The following IQCK variants were observed in gnomAD, a reference collection of about 807,000 sequenced individuals.
IQCK encodes IQ domain-containing protein K.
In IQCK, 29 loss-of-function variants were observed where a neutral mutation model predicts 28.1. The ratio of observed to expected loss-of-function variants is 1.03; its 90% CI spans 0.77 to 1.41. IQCK has a LOEUF of 1.41. Among genes scored for constraint, IQCK ranks in the 40% most tolerant of loss-of-function variants. The probability of loss-of-function intolerance (pLI) is 0.00; values close to 1 mark genes in which losing one functional copy is unlikely to be tolerated. For synonymous variants in IQCK, 113 were observed against 115.1 expected, an observed-to-expected ratio of 0.98 and a Z score of 0.12; for missense variants, 359 against 314.7, an observed-to-expected ratio of 1.14 and a Z score of -1.07.
chr16:19,824,975 G>T (rs1189779531), intron 7 of IQCK, among the ~76,000 whole-genome samples: 1 of 152,148 alleles, frequency 6.6e-6, no homozygotes, highest in Admixed American at 6.5e-5. Context: ...CCTCTCCAAG[G>T]CTGGGTTCGA....
At chr16:19,728,386 A>C (rs1977725664) in intron 1 of IQCK, among the ~76,000 whole-genome samples, 1 of 151,998 alleles carries the variant, frequency 6.6e-6, no homozygotes, top group South Asian at 2.1e-4. Context: ...GTTGCTGGGG[A>C]TTATAAGTGC....
chr16:19,736,123 C>T (rs1278828211), intron 4 of IQCK: 1 of 455,884 alleles, frequency 2.2e-6, no homozygotes. Flanking sequence ...TTGATTGTTC[C>T]CCCTGGCATC....
intron 1 of IQCK, among the ~76,000 whole-genome samples, chr16:19,727,384 C>A (rs926522262): frequency 1.3e-5 from 2 of 151,930 alleles, no homozygotes; most frequent in African/African-American, 2.4e-5. Context: ...CTTAGGAGTT[C>A]GAGACCAGCC....
At chr16:19,799,597 TACACACACACACACACAC>T (rs529119301) in intron 7 of IQCK, among the ~76,000 whole-genome samples, 3 of 111,678 alleles carry the variant, frequency 2.7e-5, no homozygotes, top group Non-Finnish European at 1.7e-5. Context: ...TATATATATA[TACACACACACACACACAC>T]ACACACACAC....
In IQCK at chr16:19,718,445, AC is replaced by A. The variant is rs1977330332; in HGVS notation, c.141del (p.Glu48SerfsTer33). On this transcript the variant is annotated frameshift_variant, in exon 1 of 8. Transcript: ENST00000564186. LOFTEE classifies it high-confidence loss of function. ...GCTGCCTGTCTCGTCGTGGCAGGTCACCGAGCCGTCAAGCAAGAATCTGTGG... is the reference window on the plus strand; with the variant it reads ...GCTGCCTGTCTCGTCGTGGCAGGTCACGAGCCGTCAAGCAAGAATCTGTGG... 3.1e-6 allele frequency: 5 copies of A among 1,605,900 alleles called. No homozygotes were observed. The South Asian group carries it at 5.6e-5, about 18-fold the overall frequency.
intron 9 of IQCK, among the ~76,000 whole-genome samples, chr16:19,846,017 C>T (rs1056279823): frequency 5.3e-5 from 8 of 152,164 alleles, no homozygotes; most frequent in African/African-American, 1.9e-4. Flanking sequence ...GCAGAGGCTG[C>T]AGTGAGCTGA....
intron 7 of IQCK, among the ~76,000 whole-genome samples, chr16:19,814,061 TA>T (rs2055943834): frequency 6.6e-6 from 1 of 151,448 alleles, no homozygotes; most frequent in African/African-American, 2.4e-5. Context: ...CTACTAAAAA[TA>T]CAAAAAAATT....
At chr16:19,753,248 A>C (rs2055010794) in intron 4 of IQCK, among the ~76,000 whole-genome samples, 1 of 132,296 alleles carries the variant, frequency 7.6e-6, no homozygotes. Flanking sequence ...CTATCTCTAC[A>C]AAAAAAAAAA....
At chr16:19,721,857 C>T (rs935839350) in intron 1 of IQCK, among the ~76,000 whole-genome samples, 4 of 152,138 alleles carry the variant, frequency 2.6e-5, no homozygotes, top group Non-Finnish European at 4.4e-5. Flanking sequence ...GGATTACAGG[C>T]GTGAGCCACC....
chr16:19,820,541 C>T (rs1168863676), intron 7 of IQCK, among the ~76,000 whole-genome samples: 4 of 151,468 alleles, frequency 2.6e-5, no homozygotes, highest in South Asian at 2.1e-4. Context: ...CCCAGCTACT[C>T]GGGAGGCTGA....
In IQCK at chr16:19,730,427, T is replaced by C. The variant is rs1192479921; in HGVS notation, c.182-3T>C. On this transcript the variant is annotated splice_polypyrimidine_tract_variant and splice_region_variant and intron_variant, in intron 1 of 7. Transcript: ENST00000564186. ...TTGAGGATTTTTTTTCCCTTCCCTT[T>C]AGAGTATGAAGCTGAGCAGCCTCCC... The C allele has an allele frequency of 2.5e-6, 4 of 1,597,292 alleles. No homozygotes were observed. Among genetic ancestry groups the C allele is most frequent in the Non-Finnish European group, 2.6e-6 (3 of 1,173,248 alleles).
chr16:19,853,848 G>A (rs894669872), intron 9 of IQCK, among the ~76,000 whole-genome samples: 4 of 152,156 alleles, frequency 2.6e-5, no homozygotes, highest in African/African-American at 7.2e-5. Context: ...GGCTGGTCTC[G>A]AACCCCTGAC....
downstream of IQCK, among the ~76,000 whole-genome samples, chr16:19,829,570 C>A (rs1716754797): frequency 6.6e-6 from 1 of 152,146 alleles, no homozygotes; most frequent in Admixed American, 6.5e-5. Flanking sequence ...CTCCTGACCT[C>A]AAGTGATCCT....
At chr16:19,827,375 C>T (rs2056163201), downstream of IQCK, among the ~76,000 whole-genome samples, 1 of 152,108 alleles carries the variant, frequency 6.6e-6, no homozygotes, top group African/African-American at 2.4e-5. Flanking sequence ...CCTGTGTCTG[C>T]AGTTTCTATT....
chr16:19,798,366 C>A (rs373174669), intron 7 of IQCK, among the ~76,000 whole-genome samples: 2 of 118,024 alleles, frequency 1.7e-5, no homozygotes, highest in Non-Finnish European at 3.0e-5. Flanking sequence ...TTCAGTGAGC[C>A]GAGATCATGC....
intron 7 of IQCK, 123 bp from the exon 8 acceptor site, chr16:19,826,903 G>A (rs759320452): frequency 4.1e-5 from 28 of 690,218 alleles, no homozygotes; most frequent in Middle Eastern, 4.9e-4. Flanking sequence ...CATTTAGGAC[G>A]ATGATTCATT....
intron 9 of IQCK, among the ~76,000 whole-genome samples, chr16:19,840,573 G>T (rs1385817431): frequency 6.6e-6 from 1 of 152,036 alleles, no homozygotes; most frequent in Non-Finnish European, 1.5e-5. Flanking sequence ...TACATTCATT[G>T]TGCACTTACT....
intron 6 of IQCK, among the ~76,000 whole-genome samples, chr16:19,769,828 CGTAAG>C (rs1215797108): frequency 6.6e-6 from 1 of 151,968 alleles, no homozygotes; most frequent in Admixed American, 6.6e-5. Flanking sequence ...TCTTTATAGC[CGTAAG>C]GTATTGAGTT....
intron 1 of IQCK, among the ~76,000 whole-genome samples, chr16:19,721,587 CTTT>C (rs56747844): frequency 2.9e-5 from 4 of 137,724 alleles, no homozygotes; most frequent in Admixed American, 7.3e-5. Context: ...TAACAGTTTC[CTTT>C]TTTTTTTTTT....
Sources: allele counts gnomAD v4.1 joint callset (sites outside exome capture counted in the v4.1 genomes callset), GRCh38; gene constraint gnomAD v4.1.1; transcripts MANE v1.5; gene names NCBI Gene and HGNC (gene_info 2026-07-23, HGNC 2026-07-21).